The following STIM1 variants were observed in gnomAD, a reference collection of about 807,000 sequenced individuals.
STIM1 encodes stromal interaction molecule 1.
In STIM1, 25 loss-of-function variants were observed where a neutral mutation model predicts 74.7. The observed-to-expected ratio is 0.33, with a 90% confidence interval of 0.24 to 0.47. The LOEUF is 0.47. Ranked by LOEUF, STIM1 falls within the 20% of genes least tolerant of loss-of-function variation. The pLI, the probability that STIM1 is intolerant of heterozygous loss-of-function variation, is 1.00. For missense variants in STIM1, 728 were observed against 920.8 expected (o/e 0.79, Z 2.71); for synonymous variants, 328 against 348.8 (o/e 0.94, Z 0.66).
chr11:4,051,886 C>G (rs1440842941), intron 3 of STIM1, among the ~76,000 whole-genome samples: 1 of 152,162 alleles, frequency 6.6e-6, no homozygotes, highest in Non-Finnish European at 1.5e-5. Context: ...TCTCCTTAAG[C>G]TGATAAGCAA....
upstream of STIM1, chr11:3,855,130 A>C (rs2090313425): frequency 6.6e-6 from 1 of 152,190 alleles, no homozygotes; most frequent in South Asian, 2.1e-4. Context: ...TTGTCAGGCG[A>C]GGCGCGAGGG....
At chr11:4,024,294 G>T (rs1352045126) in intron 3 of STIM1, among the ~76,000 whole-genome samples, 1 of 152,086 alleles carries the variant, frequency 6.6e-6, no homozygotes, top group East Asian at 1.9e-4. Context: ...TATCTCCAGA[G>T]ATAGGGAGCT....
chr11:4,055,691 T>C, intron 4 of STIM1, 54 bp downstream of exon 4: 1 of 1,387,242 alleles, frequency 7.2e-7, no homozygotes, highest in Non-Finnish European at 1.0e-6. Context: ...TGGGCTGGAG[T>C]GGGCCTGCCT....
intron 5 of STIM1, among the ~76,000 whole-genome samples, chr11:4,060,658 C>A (rs2094324492): frequency 4.6e-5 from 7 of 152,130 alleles, no homozygotes; most frequent in Admixed American, 4.6e-4. Flanking sequence ...TGAGCAATGG[C>A]CTTCCAGTCA....
intron 2 of STIM1, among the ~76,000 whole-genome samples, chr11:4,005,303 A>G (rs180706126): frequency 6.6e-6 from 1 of 152,316 alleles, no homozygotes; most frequent in African/African-American, 2.4e-5. Context: ...TTGTGGCAGT[A>G]TTCACAATAG....
intron 2 of STIM1, among the ~76,000 whole-genome samples, chr11:3,970,750 TA>T (rs199655639): frequency 3.4e-4 from 52 of 151,182 alleles, no homozygotes; most frequent in African/African-American, 1.1e-3. Flanking sequence ...GCAAAAAAAC[TA>T]AAAAAAAAGA....
chr11:4,027,017 G>A (rs893739841), intron 3 of STIM1, among the ~76,000 whole-genome samples: 1 of 152,106 alleles, frequency 6.6e-6, no homozygotes, highest in African/African-American at 2.4e-5. Flanking sequence ...TAGTCACGTG[G>A]TTGATTTTTA....
chr11:3,921,504 T>A (rs1481223492), intron 1 of STIM1, among the ~76,000 whole-genome samples: 1 of 152,228 alleles, frequency 6.6e-6, no homozygotes, highest in African/African-American at 2.4e-5. Flanking sequence ...GACAACATCA[T>A]GCTAACCAGA....
rs1322329334 is a variant in STIM1, at chr11:3,973,233, G to A, written c.270+5551G>A. On this transcript the variant is annotated intron_variant, in intron 2 of 12. Coordinates refer to ENST00000526596, the MANE Select transcript of STIM1 (RefSeq NM_001382567.1). ...TACCAAAGTCACCACAACCACTGAAGTTTCTCCTCCATGACCAAAGTTGTC... is the reference window on the plus strand; with the variant it reads ...TACCAAAGTCACCACAACCACTGAAATTTCTCCTCCATGACCAAAGTTGTC... The A allele has an allele frequency of 6.4e-6, 3 of 470,452 alleles. No individual in the cohort carries two copies. The East Asian group carries it at 1.7e-4, about 26-fold the overall frequency. The allele number at this position is 470,452 out of a possible 1,614,324, so 29.1% of individuals were successfully genotyped here.
intron 6 of STIM1, among the ~76,000 whole-genome samples, chr11:4,070,691 A>C (rs144876291): frequency 2.6e-5 from 4 of 152,300 alleles, no homozygotes; most frequent in African/African-American, 9.6e-5. Context: ...CCCAGGATTT[A>C]TTTCCTCATT....
intron 1 of STIM1, among the ~76,000 whole-genome samples, chr11:3,909,645 A>T (rs2092527737): frequency 6.6e-6 from 1 of 151,996 alleles, no homozygotes; most frequent in Non-Finnish European, 1.5e-5. Context: ...TAACACGGTG[A>T]AACTCCGTCT....
chr11:3,895,610 CTTTCTTTCTTTCTTTCTT>C lies in STIM1; in HGVS notation c.139+39203_139+39220del, dbSNP rs1230225565. Among the ~76,000 whole-genome samples the C allele has an allele frequency of 4.9e-3, 195 of 39,898 alleles. 6 individuals are homozygous for C. In the East Asian group the frequency reaches 0.05, roughly 10 times the overall value. 26.2% of individuals were successfully genotyped at this position (39,898 alleles called of 152,430 possible). On this transcript the variant is annotated intron_variant, in intron 1 of 12. Transcript: ENST00000526596. ...GGAATAGTGTTCTTTCTTTCTCTCT[CTTTCTTTCTTTCTTTCTT>C]TCTTTCTTTCTTTCTTTCTTTCTTT...
At chr11:4,043,310 A>C (rs570487875) in intron 3 of STIM1, among the ~76,000 whole-genome samples, 1 of 152,322 alleles carries the variant, frequency 6.6e-6, no homozygotes, top group South Asian at 2.1e-4. Context: ...AAAACATAGT[A>C]TGGAGACCAG....
intron 8 of STIM1, 117 bp downstream of exon 8, chr11:4,082,468 G>A: frequency 1.8e-6 from 2 of 1,115,882 alleles, no homozygotes; most frequent in Admixed American, 4.0e-5. Context: ...GAGATATCCT[G>A]GTGGTGGGTT....
At chr11:4,049,347 C>T (rs1387697519) in intron 3 of STIM1, among the ~76,000 whole-genome samples, 1 of 138,220 alleles carries the variant, frequency 7.2e-6, no homozygotes, top group Non-Finnish European at 1.5e-5. Flanking sequence ...TTTTTTGAGA[C>T]AGGCTCTCAC....
chr11:3,891,255 AT>A (rs202019137), intron 1 of STIM1, among the ~76,000 whole-genome samples: 2,162 of 150,782 alleles, frequency 0.014, 25 homozygotes, highest in Non-Finnish European at 0.025. Flanking sequence ...TCCAAACTCT[AT>A]TTTTTTTATT....
chr11:3,937,290 C>CAATAATAATAATAATAATAAT (rs5789317), intron 1 of STIM1, among the ~76,000 whole-genome samples: 3,012 of 133,014 alleles, frequency 0.023, 74 homozygotes, highest in East Asian at 0.11. Flanking sequence ...GACTTCATCT[C>CAATAATAATAATAATAATAAT]AATAATAATA....
chr11:4,086,920 G>A, intron 12 of STIM1: 1 of 1,491,000 alleles, frequency 6.7e-7, no homozygotes, highest in Non-Finnish European at 8.9e-7. Context: ...CTTTTACCTT[G>A]GTTTCTGCCT....
intron 1 of STIM1, among the ~76,000 whole-genome samples, chr11:3,896,177 T>G (rs566668387): frequency 6.6e-6 from 1 of 151,968 alleles, no homozygotes; most frequent in Admixed American, 6.6e-5. Flanking sequence ...GTGCTGGGAT[T>G]ACAGGCGTGA....
Sources: gnomAD v4.1 joint callset for allele counts (sites outside exome capture counted in the v4.1 genomes callset) on GRCh38, gnomAD v4.1.1 for gene constraint, MANE v1.5 for transcripts, NCBI Gene and HGNC (gene_info 2026-07-23, HGNC 2026-07-21) for gene names.